Variants in CCDC102B observed in about 807,000 individuals in gnomAD.
CCDC102B encodes coiled-coil domain-containing protein 102B.
CCDC102B carries 75 observed loss-of-function variants against 57.4 expected under a neutral mutation model. The observed-to-expected ratio is 1.31, with a 90% CI of 1.08 to 1.58. The LOEUF (loss-of-function observed/expected upper bound fraction) is 1.58, where lower values mean the gene tolerates loss of function less well. Among genes scored for constraint, CCDC102B ranks in the 40% most tolerant of loss-of-function variants. CCDC102B has a pLI of 0.00. For missense variants in CCDC102B, 636 were observed against 582.6 expected, an observed-to-expected ratio of 1.09 and a Z score of -0.94; for synonymous variants, 206 against 201.9, an observed-to-expected ratio of 1.02 and a Z score of -0.17.
chr18:68,936,544 T>G (rs567954075), intron 6 of CCDC102B, among the ~76,000 whole-genome samples: 1 of 152,130 alleles, frequency 6.6e-6, no homozygotes, highest in Non-Finnish European at 1.5e-5. Context: ...TTGTATTACC[T>G]TTATTACTGC....
intron 7 of CCDC102B, among the ~76,000 whole-genome samples, chr18:69,035,302 C>T (rs184582253): frequency 1.8e-4 from 27 of 152,070 alleles, no homozygotes; most frequent in East Asian, 1.7e-3. Context: ...ATGGAAGGTA[C>T]TTGGTAAATA....
intron 2 of CCDC102B, among the ~76,000 whole-genome samples, chr18:68,726,984 C>T (rs187898020): frequency 1.3e-5 from 2 of 152,242 alleles, no homozygotes; most frequent in East Asian, 3.9e-4. Context: ...GTTCTTGCTC[C>T]TCTCCCCTCA....
At chr18:68,808,668 C>T (rs889490551) in intron 1 of CCDC102B, among the ~76,000 whole-genome samples, 3 of 151,930 alleles carry the variant, frequency 2.0e-5, no homozygotes, top group African/African-American at 7.2e-5. Flanking sequence ...TTAGTAGAGA[C>T]AGGGTTTCAC....
chr18:68,810,766 G>T (rs1173123303), intron 1 of CCDC102B, among the ~76,000 whole-genome samples: 1 of 139,624 alleles, frequency 7.2e-6, no homozygotes, highest in African/African-American at 2.7e-5. Flanking sequence ...AGGTATACAC[G>T]TGCCATGGTG....
At chr18:68,914,974 GGA>G (rs59012789) in intron 6 of CCDC102B, among the ~76,000 whole-genome samples, 3,255 of 147,410 alleles carry the variant, frequency 0.022, 110 homozygotes, top group African/African-American at 0.077. Context: ...ACTACTGGGG[GGA>G]GAGAGAGAGA....
chr18:68,874,862 G>C, intron 5 of CCDC102B, 77 bp downstream of exon 5: 1 of 911,706 alleles, frequency 1.1e-6, no homozygotes, highest in Non-Finnish European at 1.7e-6. Context: ...ATTTTAAGTA[G>C]GGTAACGGTC....
intron 6 of CCDC102B, among the ~76,000 whole-genome samples, chr18:68,981,926 T>C (rs2050594896): frequency 6.6e-6 from 1 of 151,984 alleles, no homozygotes; most frequent in African/African-American, 2.4e-5. Context: ...GAACTCATCC[T>C]TTTTTATGGC....
chr18:68,846,836 T>C (rs1259252820), intron 4 of CCDC102B, among the ~76,000 whole-genome samples: 2 of 151,816 alleles, frequency 1.3e-5, no homozygotes, highest in African/African-American at 4.8e-5. Flanking sequence ...TAAATGACTT[T>C]ATCTTATTCT....
At chr18:69,057,970 C>T (rs1333471619), downstream of CCDC102B, among the ~76,000 whole-genome samples, 3 of 151,960 alleles carry the variant, frequency 2.0e-5, no homozygotes, top group East Asian at 1.9e-4. Flanking sequence ...AGCTAAAGGT[C>T]GTTTTCCAAC....
At chr18:68,818,108 G>A (rs2036558319) in intron 1 of CCDC102B, among the ~76,000 whole-genome samples, 1 of 152,246 alleles carries the variant, frequency 6.6e-6, no homozygotes, top group African/African-American at 2.4e-5. Context: ...GACTCATTGA[G>A]TTTGTGCAAA....
intron 7 of CCDC102B, among the ~76,000 whole-genome samples, chr18:69,050,818 A>G (rs1174158802): frequency 6.6e-6 from 1 of 152,210 alleles, no homozygotes; most frequent in Non-Finnish European, 1.5e-5. Context: ...ATCAGGAAAA[A>G]AAAGGCTAAT....
At chr18:68,905,784 C>CTTTTTTTT (rs35808828) in intron 6 of CCDC102B, among the ~76,000 whole-genome samples, 2 of 70,438 alleles carry the variant, frequency 2.8e-5, no homozygotes, top group Non-Finnish European at 4.8e-5. Context: ...TTATGTCTGG[C>CTTTTTTTT]TTTTTTTTTT....
At chr18:69,012,413 G>A (rs141844814) in intron 7 of CCDC102B, among the ~76,000 whole-genome samples, 1 of 152,262 alleles carries the variant, frequency 6.6e-6, no homozygotes, top group Non-Finnish European at 1.5e-5. Flanking sequence ...AGTCTCCGAA[G>A]ATCTGATTCA....
intron 4 of CCDC102B, among the ~76,000 whole-genome samples, chr18:68,855,632 T>C (rs7407581): frequency 0.99 from 150,715 of 152,244 alleles, 74,622 homozygotes; most frequent in East Asian, 1. Context: ...TCTTTCTCTG[T>C]AGCCCCAAGA....
At chr18:68,910,552 G>A (rs529193561) in intron 6 of CCDC102B, among the ~76,000 whole-genome samples, 73 of 152,046 alleles carry the variant, frequency 4.8e-4, no homozygotes, top group Non-Finnish European at 8.4e-4. Context: ...GAACTCCCTG[G>A]GCCAGGAGGA....
chr18:68,884,653 C>T (rs192400827), intron 5 of CCDC102B, among the ~76,000 whole-genome samples: 4 of 149,782 alleles, frequency 2.7e-5, no homozygotes, highest in South Asian at 2.1e-4. Context: ...ATCTCCCCAT[C>T]GTATATATAT....
chr18:68,883,718 A>G (rs1176804142), intron 5 of CCDC102B, among the ~76,000 whole-genome samples: 1 of 152,094 alleles, frequency 6.6e-6, no homozygotes, highest in Non-Finnish European at 1.5e-5. Flanking sequence ...GAACAGGGAA[A>G]CTCTTAATAT....
chr18:68,946,564 A>G (rs2049544775), intron 6 of CCDC102B, among the ~76,000 whole-genome samples: 1 of 152,070 alleles, frequency 6.6e-6, no homozygotes, highest in Non-Finnish European at 1.5e-5. Context: ...TCTATAAATT[A>G]GAGACGAACA....
intron 2 of CCDC102B, among the ~76,000 whole-genome samples, chr18:68,734,038 G>A (rs1202230638): frequency 6.6e-6 from 1 of 152,196 alleles, no homozygotes; most frequent in Non-Finnish European, 1.5e-5. Context: ...ATTTATCATG[G>A]ACAAAGCCAA....
Sources: allele counts gnomAD v4.1 joint callset (sites outside exome capture counted in the v4.1 genomes callset), GRCh38; gene constraint gnomAD v4.1.1; transcripts MANE v1.5; gene names NCBI Gene and HGNC (gene_info 2026-07-23, HGNC 2026-07-21).